RAP1GAP2: variants seen among roughly 807,000 people sequenced by gnomAD.
The protein encoded by RAP1GAP2 is rap1 GTPase-activating protein 2.
In RAP1GAP2, 27 loss-of-function variants were observed where a neutral mutation model predicts 95.0. That is an observed-to-expected ratio of 0.28 (90% CI 0.21 to 0.39). The LOEUF is 0.39. RAP1GAP2 is among the 10% of genes least tolerant of loss of function. RAP1GAP2 has a pLI of 1.00. For missense variants in RAP1GAP2, 771 were observed against 970.0 expected, an observed-to-expected ratio of 0.79 and a Z score of 2.72; for synonymous variants, 373 against 380.9, an observed-to-expected ratio of 0.98 and a Z score of 0.24.
At position 2,995,361 on chromosome 17, in the gene RAP1GAP2, C is replaced by A; in HGVS notation, c.939C>A (p.Thr313=). 2 of 1,613,794 alleles carry A rather than the reference C, an allele frequency of 1.2e-6. No homozygotes were observed. Among genetic ancestry groups the A allele is most frequent in the Non-Finnish European group, 1.7e-6 (2 of 1,179,686 alleles). Residue 313 remains threonine, a synonymous_variant, in exon 13 of 25, where the codon ACC becomes ACA. Coordinates refer to ENST00000254695, the MANE Select transcript of RAP1GAP2 (RefSeq NM_015085.5). ...GTTTCCGAGGAGGCCTGGACGTGACCCACGGACAGACAGGGGTGGAATCAG... is the reference window on the plus strand; with the variant it reads ...GTTTCCGAGGAGGCCTGGACGTGACACACGGACAGACAGGGGTGGAATCAG... The part of the protein sequence containing the change: ...FKGFRGGLDV[T]HGQTGVESVY...
chr17:3,018,812 C>T (rs1485503167), intron 18 of RAP1GAP2, among the ~76,000 whole-genome samples: 2 of 152,106 alleles, frequency 1.3e-5, no homozygotes, highest in African/African-American at 4.8e-5. Flanking sequence ...TGCCTGGAAT[C>T]CCAGCACTTT....
intron 19 of RAP1GAP2, among the ~76,000 whole-genome samples, chr17:3,025,496 C>A (rs904265254): frequency 6.6e-6 from 1 of 152,204 alleles, no homozygotes; most frequent in Admixed American, 6.5e-5. Context: ...GCTGAGAGTA[C>A]CCCTTGCTTC....
At chr17:2,769,132 C>T (rs533315191) in intron 1 of RAP1GAP2, among the ~76,000 whole-genome samples, 2 of 149,636 alleles carry the variant, frequency 1.3e-5, no homozygotes, top group Non-Finnish European at 3.0e-5. Flanking sequence ...CTCAAGATAC[C>T]GAGGCGAGAG....
At chr17:2,832,364 C>G (rs989225411) in intron 2 of RAP1GAP2, among the ~76,000 whole-genome samples, 1 of 151,338 alleles carries the variant, frequency 6.6e-6, no homozygotes, top group African/African-American at 2.4e-5. Flanking sequence ...CGAGATCATC[C>G]TGGCTAAAAC....
chr17:2,991,371 C>T lies in RAP1GAP2; in HGVS notation c.888C>T (p.Asp296=), dbSNP rs775727864. 6 of 1,603,376 alleles carry T rather than the reference C, an allele frequency of 3.7e-6. No homozygotes were observed. Among genetic ancestry groups the T allele is most frequent in the Non-Finnish European group, 5.1e-6 (6 of 1,175,082 alleles). ...AFKEFLDLLG[D]TITLQDFKGF... is the part of the protein sequence containing the mutation. Reference sequence around the variant, plus strand: ...AGGAGTTCTTGGACCTGCTGGGGGACACGATCACACTGCAGGATTTCAAAG... The same window carrying T: ...AGGAGTTCTTGGACCTGCTGGGGGATACGATCACACTGCAGGATTTCAAAG... The change falls in exon 12 of 25, where the codon GAC becomes GAT. Residue 296 remains aspartate (D), a synonymous_variant. Coordinates refer to ENST00000254695, the MANE Select transcript of RAP1GAP2 (RefSeq NM_015085.5).
chr17:2,767,028 C>T (rs2068288188), intron 1 of RAP1GAP2, among the ~76,000 whole-genome samples: 1 of 151,536 alleles, frequency 6.6e-6, no homozygotes, highest in Non-Finnish European at 1.5e-5. Flanking sequence ...ATGATACAGG[C>T]TGACAGGCAG....
intron 1 of RAP1GAP2, among the ~76,000 whole-genome samples, chr17:2,763,282 C>T (rs1377903857): frequency 6.6e-6 from 1 of 152,126 alleles, no homozygotes; most frequent in East Asian, 1.9e-4. Context: ...GACCAGAGGG[C>T]TGTGTAAGGA....
chr17:2,995,540 A>T, intron 13 of RAP1GAP2, 74 bp downstream of exon 13: 1 of 1,585,362 alleles, frequency 6.3e-7, no homozygotes, highest in Non-Finnish European at 8.6e-7. Context: ...TGACCTGCTA[A>T]GAGGCTGTGG....
intron 2 of RAP1GAP2, among the ~76,000 whole-genome samples, chr17:2,808,733 G>A (rs955659446): frequency 3.3e-5 from 5 of 152,180 alleles, no homozygotes; most frequent in Non-Finnish European, 5.9e-5. Context: ...TGTCTTGAGT[G>A]GCAGACTCTG....
chr17:2,866,732 TGGGATTACA>T lies in RAP1GAP2; in HGVS notation c.81-38549_81-38541del, dbSNP rs1459218848. 1.3e-5 allele frequency among the ~76,000 whole-genome samples: 2 copies of T among 151,618 alleles called. No individual in the cohort carries two copies. The highest frequency in any genetic ancestry group is 2.9e-5 in the Non-Finnish European group (2 of 67,968). The stretch of plus-strand genomic sequence containing the variant: ...CTCCTGTCTCAGCCTCCCGAGTAGC[TGGGATTACA>T]GGTGTCCGCCACCAGGTCCGGCTAA... On this transcript the variant is annotated intron_variant, in intron 2 of 24. Coordinates refer to ENST00000254695, the MANE Select transcript of RAP1GAP2 (RefSeq NM_015085.5). The surrounding 1 kb of genome is among the most constrained non-coding windows in gnomAD (Gnocchi z 4.0).
At chr17:3,017,954 TGCACGCATAC>T in intron 17 of RAP1GAP2, 97 bp from the exon 18 acceptor site, 8 of 1,017,300 alleles carry the variant, frequency 7.9e-6, no homozygotes, top group South Asian at 3.3e-5. Flanking sequence ...TGTGTATGTG[TGCACGCATAC>T]GTGTGCTGAG....
At chr17:2,805,969 A>G (rs2069498739) in intron 2 of RAP1GAP2, among the ~76,000 whole-genome samples, 1 of 151,956 alleles carries the variant, frequency 6.6e-6, no homozygotes, top group Non-Finnish European at 1.5e-5. Context: ...ATCCAGCTTA[A>G]ATTTAAGTGG....
chr17:3,017,834 G>T (rs1211445871), intron 17 of RAP1GAP2, among the ~76,000 whole-genome samples: 3 of 152,082 alleles, frequency 2.0e-5, no homozygotes. Flanking sequence ...GCTGTGCCTT[G>T]CCTCCACCCA....
In RAP1GAP2 at chr17:2,963,209, C is replaced by T; in HGVS notation, c.247-221C>T. 2 of 624,610 alleles carry T rather than the reference C, an allele frequency of 3.2e-6. No homozygotes were observed. Among genetic ancestry groups the T allele is most frequent in the Non-Finnish European group, 2.9e-6 (1 of 347,436 alleles). The allele number at this position is 624,610 out of a possible 1,614,324, so 38.7% of individuals were successfully genotyped here. A position where few individuals can be genotyped will look rare whatever the true frequency, so the allele number is the denominator to read the frequency against. On this transcript the variant is annotated intron_variant, in intron 5 of 24. Coordinates refer to ENST00000254695, the MANE Select transcript of RAP1GAP2 (RefSeq NM_015085.5). This position sits in a 1 kb window ranked among gnomAD's most constrained non-coding sequence, Gnocchi z 4.8. ...GTGAGAAGTTCAGCACCTTCGGACACTGCATCATCAGCTGGCAGGGTTTAT... is the reference window on the plus strand; with the variant it reads ...GTGAGAAGTTCAGCACCTTCGGACATTGCATCATCAGCTGGCAGGGTTTAT...
In RAP1GAP2 at chr17:3,005,410, A is replaced by G; in HGVS notation, c.1242A>G (p.Pro414=). 1 of 1,613,628 alleles carries G rather than the reference A, an allele frequency of 6.2e-7. No homozygotes were observed. Among genetic ancestry groups the G allele is most frequent in the African/African-American group, 1.3e-5 (1 of 74,934 alleles). ...TAREDVPTFG[P]PLPSPPVFQK... is the part of the protein sequence containing the mutation. ...GGGAAGATGTGCCCACCTTTGGTCC[A>G]CCTCTGCCCAGTCCCCCCGTTTTCC... Residue 414 remains proline, a synonymous_variant, in exon 15 of 25, where the codon CCA becomes CCG. Transcript: ENST00000254695. This position sits in a 1 kb window ranked among gnomAD's most constrained non-coding sequence, Gnocchi z 5.2.
At position 2,998,393 on chromosome 17, in the gene RAP1GAP2, G is replaced by C. The variant is rs138471700; in HGVS notation, c.1200+17G>C. The C allele has an allele frequency of 2.5e-6, 4 of 1,612,330 alleles. No individual in the cohort carries two copies. The African/African-American group carries it at 4.0e-5, about 16-fold the overall frequency. ...TCCTACAAGGTAAGGAGAACGCCTT[G>C]TTGGAGGGAGTGGTGGGCCTCGACA... On this transcript the variant is annotated intron_variant, in intron 14 of 24. Transcript: ENST00000254695.
rs1377288969 is a variant in RAP1GAP2 at position 3,034,620 on chromosome 17, G to A, written c.*1259G>A. ...CTGTAGGCAGCTGTCACATCTGAAG[G>A]GTTTCTGCAACCTGGACCCCATCTG... On this transcript the variant is annotated 3_prime_UTR_variant, in exon 25 of 25. Transcript: ENST00000254695. This position sits in a 1 kb window ranked among gnomAD's most constrained non-coding sequence, Gnocchi z 5.1. The A allele has an allele frequency of 6.5e-6, 1 of 153,142 alleles. No individual in the cohort carries two copies. The highest frequency in any genetic ancestry group is 2.4e-5 in the African/African-American group (1 of 41,460). 9.5% of individuals were successfully genotyped at this position (153,142 alleles called of 1,614,324 possible). A position where few individuals can be genotyped will look rare whatever the true frequency, so the allele number is the denominator to read the frequency against.
rs186362934 is a variant in RAP1GAP2 at position 3,015,422 on chromosome 17, A to T, written c.1495-2639A>T. Reference sequence around the variant, plus strand: ...TTCTTTGCCCTTCCCAAGCTTGGAGAAATCCTGACGTCCAGAGAGCCCAGG... The same window carrying T: ...TTCTTTGCCCTTCCCAAGCTTGGAGTAATCCTGACGTCCAGAGAGCCCAGG... On this transcript the variant is annotated intron_variant, in intron 17 of 24. Transcript: ENST00000254695. 1.4e-4 allele frequency among the ~76,000 whole-genome samples: 22 copies of T among 152,210 alleles called. No homozygotes were observed. The East Asian group carries it at 3.9e-3, about 27-fold the overall frequency.
At chr17:2,985,507 G>A (rs1266533385) in intron 11 of RAP1GAP2, among the ~76,000 whole-genome samples, 2 of 152,132 alleles carry the variant, frequency 1.3e-5, no homozygotes, top group Admixed American at 6.5e-5. Flanking sequence ...ACTCTGTTCC[G>A]TGACATCATG....
Sources: gnomAD v4.1 joint callset for allele counts (sites outside exome capture counted in the v4.1 genomes callset) on GRCh38, gnomAD v4.1.1 for gene constraint, Gnocchi (gnomAD v3.1) non-coding constraint, MANE v1.5 for transcripts, NCBI Gene and HGNC (gene_info 2026-07-23, HGNC 2026-07-21) for gene names.